The following PDE4B variants were observed in gnomAD, a reference collection of about 807,000 sequenced individuals.
The protein encoded by PDE4B is phosphodiesterase 4B, also known as 3',5'-cyclic-AMP phosphodiesterase 4B.
PDE4B carries 20 observed loss-of-function variants against 82.2 expected under a neutral mutation model. The ratio of observed to expected loss-of-function variants is 0.24; its 90% confidence interval spans 0.17 to 0.35. PDE4B has a LOEUF of 0.35. Among genes scored for constraint, PDE4B ranks in the 10% least tolerant of loss-of-function variants. The pLI, the probability that PDE4B is intolerant of heterozygous loss-of-function variation, is 1.00. For missense variants in PDE4B, 655 were observed against 907.2 expected, an observed-to-expected ratio of 0.72 and a Z score of 3.57; for synonymous variants, 320 against 318.9, an observed-to-expected ratio of 1.00 and a Z score of -0.04.
At chr1:66,202,863 G>A (rs1169893236) in intron 3 of PDE4B, among the ~76,000 whole-genome samples, 1 of 151,808 alleles carries the variant, frequency 6.6e-6, no homozygotes, top group African/African-American at 2.4e-5. Flanking sequence ...AGTTAATATT[G>A]TTATGTGTGA....
chr1:65,862,689 T>C (rs942982823), intron 1 of PDE4B, among the ~76,000 whole-genome samples: 7 of 152,182 alleles, frequency 4.6e-5, no homozygotes, highest in Non-Finnish European at 8.8e-5. Context: ...TGGACCTTTT[T>C]TTGGTTGGTA....
chr1:66,133,871 A>G (rs1646000939), intron 3 of PDE4B, among the ~76,000 whole-genome samples: 1 of 152,094 alleles, frequency 6.6e-6, no homozygotes, highest in Non-Finnish European at 1.5e-5. Flanking sequence ...TTCACTCTCT[A>G]TATGTCCCTT....
intron 1 of PDE4B, among the ~76,000 whole-genome samples, chr1:65,794,326 T>G (rs545308193): frequency 3.5e-4 from 53 of 152,334 alleles, no homozygotes; most frequent in African/African-American, 1.3e-3. Context: ...ATAAAAAAAG[T>G]AATAAATGTC....
At chr1:65,956,297 C>G (rs1396741505) in intron 3 of PDE4B, among the ~76,000 whole-genome samples, 2 of 152,050 alleles carry the variant, frequency 1.3e-5, no homozygotes, top group African/African-American at 4.8e-5. Flanking sequence ...GGTGAATGGT[C>G]CTGTTTTAAT....
rs191507123 is a variant in PDE4B at position 65,858,030 on chromosome 1, G to A, written c.-70-55215G>A. ...CATATATTTCTGGCTTTGCACAGTT[G>A]TTATTTTGTCTGAACTTCGAAGTTC... On this transcript the variant is annotated intron_variant, in intron 1 of 16. Coordinates refer to ENST00000341517, the MANE Select transcript of PDE4B (RefSeq NM_002600.4). Among the ~76,000 whole-genome samples the A allele has an allele frequency of 2.0e-5, 3 of 152,150 alleles. No homozygotes were observed. In the East Asian group the frequency reaches 5.8e-4, roughly 29 times the overall value.
intron 7 of PDE4B, chr1:66,332,031 T>C (rs1660151766): frequency 1.9e-6 from 2 of 1,053,426 alleles, no homozygotes; most frequent in Non-Finnish European, 2.3e-6. Flanking sequence ...ATTTTGACTG[T>C]TTCATTTAGA....
intron 1 of PDE4B, among the ~76,000 whole-genome samples, chr1:65,798,816 A>G (rs927207585): frequency 1.5e-4 from 23 of 152,236 alleles, no homozygotes; most frequent in Non-Finnish European, 8.8e-5. Context: ...AATTAATATT[A>G]CTGTAATTAC....
intron 3 of PDE4B, among the ~76,000 whole-genome samples, chr1:66,054,409 T>TA (rs57751462): frequency 0.12 from 18,046 of 152,156 alleles, 1,239 homozygotes; most frequent in South Asian, 0.22. Flanking sequence ...ATAACCAAGT[T>TA]AAAAAACATA....
At chr1:66,231,830 A>G (rs1032995037) in intron 3 of PDE4B, among the ~76,000 whole-genome samples, 9 of 152,240 alleles carry the variant, frequency 5.9e-5, no homozygotes, top group Admixed American at 3.3e-4. Flanking sequence ...TCCTATGGAA[A>G]GAAAAATCAA....
chr1:66,029,780 A>G (rs1321419659), intron 3 of PDE4B, among the ~76,000 whole-genome samples: 1 of 152,210 alleles, frequency 6.6e-6, no homozygotes, highest in Non-Finnish European at 1.5e-5. Context: ...GAAATATTTT[A>G]AATACTGAAT....
chr1:66,288,446 A>G (rs1164333295), intron 7 of PDE4B, among the ~76,000 whole-genome samples: 1 of 152,150 alleles, frequency 6.6e-6, no homozygotes, highest in Admixed American at 6.6e-5. Context: ...TGTTATGAGG[A>G]TTAAATGAAT....
At chr1:66,202,676 CT>C (rs946683345) in intron 3 of PDE4B, among the ~76,000 whole-genome samples, 4 of 151,656 alleles carry the variant, frequency 2.6e-5, no homozygotes, top group South Asian at 2.1e-4. Context: ...CAACCCCTGC[CT>C]TTTTTTGTTT....
intron 1 of PDE4B, among the ~76,000 whole-genome samples, chr1:65,906,657 C>G (rs1275021851): frequency 6.6e-6 from 1 of 152,082 alleles, no homozygotes; most frequent in Non-Finnish European, 1.5e-5. Context: ...CACTTTCTCT[C>G]TGTTGTGTTA....
At chr1:65,879,041 C>G (rs1646680812) in intron 1 of PDE4B, among the ~76,000 whole-genome samples, 1 of 151,848 alleles carries the variant, frequency 6.6e-6, no homozygotes, top group East Asian at 1.9e-4. Context: ...AATTTTATTC[C>G]CAGTTTAGAA....
intron 9 of PDE4B, chr1:66,360,460 C>T (rs1662671495): frequency 6.6e-6 from 1 of 152,162 alleles, no homozygotes; most frequent in Admixed American, 6.5e-5. Context: ...TCGTCTAGAT[C>T]CCAGAATGCC....
chr1:66,133,345 T>A (rs1645991151), intron 3 of PDE4B, among the ~76,000 whole-genome samples: 2 of 152,204 alleles, frequency 1.3e-5, no homozygotes, highest in Admixed American at 1.3e-4. Context: ...TCAATGAATG[T>A]TATTATTATT....
chr1:66,143,194 T>C (rs116154692), intron 3 of PDE4B, among the ~76,000 whole-genome samples: 1,679 of 152,326 alleles, frequency 0.011, 28 homozygotes, highest in African/African-American at 0.038. Context: ...CAAGGGTTTG[T>C]CTTTGTTTCT....
chr1:66,042,250 C>T (rs1168889953), intron 3 of PDE4B, among the ~76,000 whole-genome samples: 4 of 151,650 alleles, frequency 2.6e-5, no homozygotes, highest in Non-Finnish European at 4.4e-5. Flanking sequence ...TTTTCAGCCC[C>T]AAGATAGCAT....
chr1:66,105,751 G>T (rs1190284502), intron 3 of PDE4B, among the ~76,000 whole-genome samples: 1 of 151,880 alleles, frequency 6.6e-6, no homozygotes, highest in East Asian at 1.9e-4. Context: ...GTCTGTTATT[G>T]GTGTATAAGA....
Sources: gnomAD v4.1 joint callset for allele counts (sites outside exome capture counted in the v4.1 genomes callset) on GRCh38, gnomAD v4.1.1 for gene constraint, MANE v1.5 for transcripts, NCBI Gene and HGNC (gene_info 2026-07-23, HGNC 2026-07-21) for gene names.